The following CYP7B1 variants were observed in gnomAD, a reference collection of about 807,000 sequenced individuals.
CYP7B1 encodes the protein cytochrome P450 family 7 subfamily B member 1.
Under a neutral mutation model 42.7 loss-of-function variants are expected in CYP7B1, and 29 were observed. That is an observed-to-expected ratio of 0.68 (90% confidence interval 0.51 to 0.93). The LOEUF is 0.93. CYP7B1 is among the 40% of genes least tolerant of loss of function. The probability of loss-of-function intolerance (pLI) is 0.00; values close to 1 mark genes in which losing one functional copy is unlikely to be tolerated. For missense variants in CYP7B1, 655 were observed against 600.5 expected, an observed-to-expected ratio of 1.09 and a Z score of -0.95; for synonymous variants, 235 against 218.2, an observed-to-expected ratio of 1.08 and a Z score of -0.68.
chr8:64,705,554 C>T (rs1806985793), intron 1 of CYP7B1, among the ~76,000 whole-genome samples: 1 of 150,614 alleles, frequency 6.6e-6, no homozygotes, highest in South Asian at 2.1e-4. Context: ...GCACAAAGCA[C>T]TCTCTTTATC....
At chr8:64,587,693 C>A (rs1198447345), downstream of CYP7B1, 1 of 152,232 alleles carries the variant, frequency 6.6e-6, no homozygotes, top group Admixed American at 6.5e-5. Flanking sequence ...TGTTTCTTAA[C>A]TATTGCAAAA....
intron 5 of CYP7B1, among the ~76,000 whole-genome samples, chr8:64,602,399 A>G (rs1805217421): frequency 6.6e-6 from 1 of 152,200 alleles, no homozygotes; most frequent in East Asian, 1.9e-4. Flanking sequence ...ACAGCTCTCA[A>G]GTATGTTGGA....
At chr8:64,657,642 CTA>C (rs1016002700) in intron 1 of CYP7B1, among the ~76,000 whole-genome samples, 1 of 152,150 alleles carries the variant, frequency 6.6e-6, no homozygotes, top group African/African-American at 2.4e-5. Flanking sequence ...AATAACTACA[CTA>C]TGTTTTAAAA....
chr8:64,615,052 T>C lies in CYP7B1; in HGVS notation c.1031A>G (p.Glu344Gly). 6.2e-7 allele frequency: 1 copy of C among 1,613,712 alleles called. No homozygotes were observed. The highest frequency in any genetic ancestry group is 8.5e-7 in the Non-Finnish European group (1 of 1,179,732). Reference sequence around the variant, plus strand: ...TAGGCAGATTAGGCTGTCCAATTGTTCTCTGGTGAGGTGGATGGGAAATCC... The same window carrying C: ...TAGGCAGATTAGGCTGTCCAATTGTCCTCTGGTGAGGTGGATGGGAAATCC... ...GSGFPIHLTREQLDSLICLES... is the reference protein window; with the variant it reads ...GSGFPIHLTRGQLDSLICLES... Residue 344 changes from glutamate to glycine, a missense_variant, in exon 4 of 6, where the codon GAA becomes GGA. Glu to Gly is a moderately conservative substitution (Grantham distance 98). Transcript: ENST00000310193.
chr8:64,764,226 GCTGCCCCCCCCACCCCCTTCCC>G (rs1176474459), intron 1 of CYP7B1, among the ~76,000 whole-genome samples: 2 of 18,366 alleles, frequency 1.1e-4, no homozygotes, highest in Non-Finnish European at 2.2e-4. Context: ...CAGCTTCCAC[GCTGCCCCCCCCACCCCCTTCCC>G]CCGCCCCCTG....
At chr8:64,671,941 A>C (rs1035260442) in intron 1 of CYP7B1, among the ~76,000 whole-genome samples, 1 of 152,200 alleles carries the variant, frequency 6.6e-6, no homozygotes, top group African/African-American at 2.4e-5. Context: ...AAATAAAACA[A>C]GATAAATATG....
At chr8:64,717,865 T>G (rs1300212710) in intron 1 of CYP7B1, among the ~76,000 whole-genome samples, 3 of 151,924 alleles carry the variant, frequency 2.0e-5, no homozygotes, top group Non-Finnish European at 4.4e-5. Context: ...AAGTTTTTTT[T>G]TTTTTGGAAA....
intron 1 of CYP7B1, among the ~76,000 whole-genome samples, chr8:64,791,291 T>A (rs1486170041): frequency 1.3e-5 from 2 of 152,256 alleles, no homozygotes; most frequent in Non-Finnish European, 2.9e-5. Flanking sequence ...AAAGGTATGG[T>A]AGGGAGAATA....
At chr8:64,789,090 T>C (rs1251766147) in intron 1 of CYP7B1, among the ~76,000 whole-genome samples, 1 of 151,868 alleles carries the variant, frequency 6.6e-6, no homozygotes, top group Non-Finnish European at 1.5e-5. Context: ...CCAGCTAACG[T>C]TTTTTATTTT....
At chr8:64,609,787 C>T (rs1805337141) in intron 4 of CYP7B1, among the ~76,000 whole-genome samples, 1 of 152,070 alleles carries the variant, frequency 6.6e-6, no homozygotes, top group African/African-American at 2.4e-5. Context: ...CCCTGGATGG[C>T]CATTAGAATC....
downstream of CYP7B1, among the ~76,000 whole-genome samples, chr8:64,587,093 CGAG>C (rs1231641066): frequency 6.6e-6 from 1 of 152,194 alleles, no homozygotes; most frequent in Non-Finnish European, 1.5e-5. Context: ...GGTAGGATAA[CGAG>C]GAGAGTGTTT....
chr8:64,768,306 G>T (rs548616979), intron 1 of CYP7B1, among the ~76,000 whole-genome samples: 1 of 151,722 alleles, frequency 6.6e-6, no homozygotes, highest in Non-Finnish European at 1.5e-5. Context: ...CCCCCTCTGG[G>T]TCCCTTCCCA....
chr8:64,767,162 G>C (rs993652462), intron 1 of CYP7B1, among the ~76,000 whole-genome samples: 1 of 152,224 alleles, frequency 6.6e-6, no homozygotes, highest in African/African-American at 2.4e-5. Context: ...CAGACTCTAA[G>C]TATGCTTACC....
At chr8:64,693,173 G>A (rs1406954218) in intron 1 of CYP7B1, among the ~76,000 whole-genome samples, 2 of 152,262 alleles carry the variant, frequency 1.3e-5, no homozygotes, top group African/African-American at 4.8e-5. Flanking sequence ...ACAGAGTACT[G>A]TCATGCAGAA....
chr8:64,703,915 C>G (rs759639743), intron 1 of CYP7B1: 1 of 152,138 alleles, frequency 6.6e-6, no homozygotes, highest in East Asian at 1.9e-4. Context: ...GTTGTTTTCT[C>G]AAGTGAATAT....
rs539046783 is a variant in CYP7B1, at chr8:64,621,692, A to AT, written c.259+2710dup. On this transcript the variant is annotated intron_variant, in intron 2 of 5. Coordinates refer to ENST00000310193, the MANE Select transcript of CYP7B1 (RefSeq NM_004820.5). Reference sequence around the variant, plus strand: ...TAATATAATTCCTCTAAGATGCATGATTTTTTTCCATTTCAATTTTTCTGA... The same window carrying AT: ...TAATATAATTCCTCTAAGATGCATGATTTTTTTTCCATTTCAATTTTTCTGA... Among the ~76,000 whole-genome samples, 326 of 148,406 alleles carry AT rather than the reference A, an allele frequency of 2.2e-3. 1 individual carries two copies. The highest frequency in any genetic ancestry group is 7.6e-3 in the African/African-American group (305 of 40,196).
chr8:64,720,059 C>A (rs531595952), intron 1 of CYP7B1, among the ~76,000 whole-genome samples: 6 of 152,240 alleles, frequency 3.9e-5, no homozygotes, highest in Admixed American at 2.0e-4. Context: ...CAATGGTGTC[C>A]CTTTTGTCTG....
intron 1 of CYP7B1, among the ~76,000 whole-genome samples, chr8:64,788,876 T>C (rs907626469): frequency 4.6e-5 from 7 of 152,178 alleles, no homozygotes; most frequent in Non-Finnish European, 1.0e-4. Flanking sequence ...ATCCAGATGA[T>C]GTTAAGTGAG....
At chr8:64,623,439 C>G (rs3824188) in intron 2 of CYP7B1, among the ~76,000 whole-genome samples, 1 of 152,156 alleles carries the variant, frequency 6.6e-6, no homozygotes, top group East Asian at 1.9e-4. Context: ...TCGGATCATC[C>G]AGTTCCCATC....
Sources: gnomAD v4.1 joint callset for allele counts (sites outside exome capture counted in the v4.1 genomes callset) on GRCh38, gnomAD v4.1.1 for gene constraint, MANE v1.5 for transcripts, NCBI Gene and HGNC (gene_info 2026-07-23, HGNC 2026-07-21) for gene names.